Variants in CACNA1E observed in about 807,000 individuals in gnomAD.
The protein encoded by CACNA1E is calcium voltage-gated channel subunit alpha1 E.
In CACNA1E, 40 loss-of-function variants were observed where a neutral mutation model predicts 259.2. The ratio of observed to expected loss-of-function variants is 0.15; its 90% confidence interval spans 0.12 to 0.20. CACNA1E has a LOEUF of 0.20. Among genes scored for constraint, CACNA1E ranks in the 10% least tolerant of loss-of-function variants. The pLI is 1.00. For synonymous variants in CACNA1E, 1,104 were observed against 1,138.5 expected (o/e 0.97, Z 0.61); for missense variants, 1,874 against 3,040.1 (o/e 0.62, Z 9.02).
At chr1:181,615,854 A>G (rs1655159237) in intron 6 of CACNA1E, among the ~76,000 whole-genome samples, 1 of 152,186 alleles carries the variant, frequency 6.6e-6, no homozygotes, top group Non-Finnish European at 1.5e-5. Context: ...CTCATTAAAC[A>G]TGATCTTTGC....
At chr1:181,583,041 G>A (rs1651697852) in intron 6 of CACNA1E, among the ~76,000 whole-genome samples, 1 of 151,790 alleles carries the variant, frequency 6.6e-6, no homozygotes, top group Non-Finnish European at 1.5e-5. Flanking sequence ...TAGGGCTAGG[G>A]GGACTGTTAC....
At chr1:181,537,537 G>C (rs1399537249) in intron 3 of CACNA1E, among the ~76,000 whole-genome samples, 1 of 152,170 alleles carries the variant, frequency 6.6e-6, no homozygotes, top group African/African-American at 2.4e-5. Flanking sequence ...ATGATTTCTA[G>C]GAATTTGGTG....
At chr1:181,442,192 A>C (rs1660523252) in intron 2 of CACNA1E, among the ~76,000 whole-genome samples, 1 of 132,118 alleles carries the variant, frequency 7.6e-6, no homozygotes, top group Non-Finnish European at 1.6e-5. Context: ...CATAGGTATG[A>C]GAGACTCAAG....
intron 2 of CACNA1E, among the ~76,000 whole-genome samples, chr1:181,476,766 G>C (rs1339889404): frequency 6.6e-6 from 1 of 152,212 alleles, no homozygotes; most frequent in African/African-American, 2.4e-5. Flanking sequence ...TGGATGGATG[G>C]ATGTGCTCCT....
At chr1:181,381,247 C>T (rs1388504321) in intron 1 of CACNA1E, among the ~76,000 whole-genome samples, 2 of 151,714 alleles carry the variant, frequency 1.3e-5, no homozygotes, top group East Asian at 3.9e-4. Context: ...AATGAAACAA[C>T]TGAAATATCC....
intron 3 of CACNA1E, among the ~76,000 whole-genome samples, chr1:181,543,884 G>A (rs1359113711): frequency 6.6e-6 from 1 of 152,184 alleles, no homozygotes; most frequent in Non-Finnish European, 1.5e-5. Context: ...CTCACACATT[G>A]CTGTTGAGAA....
intron 3 of CACNA1E, among the ~76,000 whole-genome samples, chr1:181,533,139 G>A (rs766877691): frequency 3.3e-5 from 5 of 152,058 alleles, no homozygotes; most frequent in Non-Finnish European, 5.9e-5. Flanking sequence ...ATAGGGAATC[G>A]AGACAGAGAC....
chr1:181,765,563 T>C (rs1658947150), intron 34 of CACNA1E, among the ~76,000 whole-genome samples: 1 of 152,222 alleles, frequency 6.6e-6, no homozygotes, highest in Non-Finnish European at 1.5e-5. Flanking sequence ...AATAGTCTCA[T>C]AGGGCTCTTC....
chr1:181,330,910 G>T (rs1651208700), intron 1 of CACNA1E, among the ~76,000 whole-genome samples: 1 of 152,158 alleles, frequency 6.6e-6, no homozygotes, highest in Admixed American at 6.6e-5. Flanking sequence ...ACAAATATTA[G>T]CTAGAGATGA....
At chr1:181,628,845 G>A (rs1200487649) in intron 6 of CACNA1E, among the ~76,000 whole-genome samples, 1 of 152,166 alleles carries the variant, frequency 6.6e-6, no homozygotes, top group Non-Finnish European at 1.5e-5. Context: ...TTGATCTTGA[G>A]TTGGCAGTTA....
chr1:181,683,447 T>C (rs1244092461), intron 7 of CACNA1E, among the ~76,000 whole-genome samples: 1 of 152,228 alleles, frequency 6.6e-6, no homozygotes, highest in Non-Finnish European at 1.5e-5. Context: ...TTTCTTCTTT[T>C]ATTTTAGGTT....
intron 1 of CACNA1E, among the ~76,000 whole-genome samples, chr1:181,357,775 C>A (rs1653564116): frequency 6.6e-6 from 1 of 152,110 alleles, no homozygotes; most frequent in Non-Finnish European, 1.5e-5. Context: ...CATCTAGATG[C>A]CATGAACATC....
chr1:181,706,597 G>C (rs1027964497), intron 7 of CACNA1E, among the ~76,000 whole-genome samples: 52 of 152,254 alleles, frequency 3.4e-4, no homozygotes, highest in African/African-American at 1.2e-3. Flanking sequence ...TTATGCTACT[G>C]TCTCAATGAA....
chr1:181,381,219 G>T (rs912779747), intron 1 of CACNA1E, among the ~76,000 whole-genome samples: 3 of 151,530 alleles, frequency 2.0e-5, no homozygotes, highest in South Asian at 2.1e-4. Flanking sequence ...GTTCATAGAA[G>T]TATTTATAAT....
chr1:181,793,719 C>T lies in CACNA1E; in HGVS notation c.5953C>T (p.Leu1985Phe), dbSNP rs1661530849. ...GCAGCCCTCTAACCATGGCATCTAC[C>T]TTCCTTCGGACACCCAGGAGCATGC... Reference protein sequence around the residue: ...SVQPSNHGIYLPSDTQEHAGS... With the variant: ...SVQPSNHGIYFPSDTQEHAGS... Residue 1985 changes from leucine to phenylalanine, a missense_variant, in exon 45 of 48, where the codon CTT (leucine) becomes TTT (phenylalanine). This residue lies in a region of CACNA1E where 542 missense variants were observed against 587.2 expected (regional missense o/e 0.92). Transcript: ENST00000367573. The T allele has an allele frequency of 6.2e-7, 1 of 1,611,348 alleles. No individual in the cohort carries two copies. The highest frequency in any genetic ancestry group is 1.1e-5 in the South Asian group (1 of 90,560).
chr1:181,449,851 T>G (rs1661033792), intron 2 of CACNA1E, among the ~76,000 whole-genome samples: 1 of 152,174 alleles, frequency 6.6e-6, no homozygotes, highest in Non-Finnish European at 1.5e-5. Context: ...AAATGCAATA[T>G]AGTGTTATCA....
At position 181,796,705 on chromosome 1, in the gene CACNA1E, G is replaced by A. The variant is rs778131872; in HGVS notation, c.6246G>A (p.Glu2082=). Residue 2082 remains glutamate (E), a synonymous_variant, in exon 47 of 48, where the codon GAG becomes GAA. Coordinates refer to ENST00000367573, the MANE Select transcript of CACNA1E (RefSeq NM_001205293.3). The stretch of plus-strand genomic sequence containing the variant: ...ACACTCACCGCTCAGGGGGCAGGGA[G>A]CGGGGACGATCAAAAGAGCGAAAGC... ...KSDTHRSGGR[E]RGRSKERKHL... 6.2e-7 allele frequency: 1 copy of A among 1,611,200 alleles called. No individual in the cohort carries two copies. The highest frequency in any genetic ancestry group is 8.5e-7 in the Non-Finnish European group (1 of 1,178,082).
intron 7 of CACNA1E, among the ~76,000 whole-genome samples, chr1:181,659,691 A>G (rs868049274): frequency 6.6e-6 from 1 of 152,232 alleles, no homozygotes; most frequent in South Asian, 2.1e-4. Flanking sequence ...TCTCTTGTGT[A>G]AAGCATGCCA....
intron 2 of CACNA1E, among the ~76,000 whole-genome samples, chr1:181,421,726 C>G (rs922808138): frequency 3.7e-4 from 56 of 152,130 alleles, no homozygotes; most frequent in African/African-American, 1.3e-3. Context: ...CAGTGGTAAG[C>G]CCTGTCAATA....
Sources: allele counts gnomAD v4.1 joint callset (sites outside exome capture counted in the v4.1 genomes callset), GRCh38; gene constraint gnomAD v4.1.1; regional missense constraint gnomAD v4.1.1; transcripts MANE v1.5; gene names NCBI Gene and HGNC (gene_info 2026-07-23, HGNC 2026-07-21).